The following CFAP47 variants were observed in gnomAD, a reference collection of about 807,000 sequenced individuals.
CFAP47 encodes the protein cilia- and flagella-associated protein 47.
In CFAP47, 29 loss-of-function variants were observed where a neutral mutation model predicts 148.1. That is an observed-to-expected ratio of 0.20 (90% confidence interval 0.15 to 0.27). CFAP47 has a LOEUF of 0.27. Among genes scored for constraint, CFAP47 ranks in the 10% least tolerant of loss-of-function variants. The pLI is 1.00. For missense variants in CFAP47, 1,872 were observed against 1,697.5 expected (o/e 1.10, Z -1.81); for synonymous variants, 664 against 577.3 (o/e 1.15, Z -2.15).
chrX:36,019,744 A>G (rs1166831079), intron 22 of CFAP47, among the ~76,000 whole-genome samples: 1 of 112,059 alleles, frequency 8.9e-6, no homozygotes, highest in Non-Finnish European at 1.9e-5. Flanking sequence ...GTAGCCACTA[A>G]TGACCCTTTG....
intron 46 of CFAP47, among the ~76,000 whole-genome samples, chrX:36,232,482 C>T (rs1267129117): frequency 2.1e-4 from 23 of 111,135 alleles, no homozygotes; most frequent in South Asian, 3.8e-4. Context: ...TTTTTTATTG[C>T]GTCTATTTGA....
chrX:36,101,841 G>A (rs1601978261), intron 32 of CFAP47, among the ~76,000 whole-genome samples: 1 of 111,711 alleles, frequency 9.0e-6, no homozygotes, highest in East Asian at 2.8e-4. Flanking sequence ...TGAACATTAT[G>A]TTTTCTAAGC....
chrX:36,244,463 TAAAC>T (rs1209198984), intron 48 of CFAP47, among the ~76,000 whole-genome samples: 4 of 110,149 alleles, frequency 3.6e-5, no homozygotes, highest in Non-Finnish European at 7.6e-5. Context: ...CTTAAAAAAA[TAAAC>T]AAGATAGAAA....
intron 29 of CFAP47, among the ~76,000 whole-genome samples, chrX:36,081,981 C>A (rs1487526339): frequency 1.8e-5 from 2 of 111,621 alleles, no homozygotes; most frequent in East Asian, 2.8e-4. Flanking sequence ...AAGTCCTTTT[C>A]AGAGCAAGCA....
intron 15 of CFAP47, among the ~76,000 whole-genome samples, chrX:35,979,892 T>C (rs1020557832): frequency 2.7e-5 from 3 of 112,310 alleles, no homozygotes; most frequent in Admixed American, 9.4e-5. Flanking sequence ...AGGAAAAGTA[T>C]AGGGTATTGA....
At chrX:36,275,608 G>A (rs1556002553) in intron 49 of CFAP47, among the ~76,000 whole-genome samples, 2 of 110,562 alleles carry the variant, frequency 1.8e-5, no homozygotes, top group Non-Finnish European at 3.8e-5. Context: ...GTTTTGTTGA[G>A]GATTTCTGCA....
At chrX:35,930,184 C>T (rs1935805811) in intron 2 of CFAP47, among the ~76,000 whole-genome samples, 1 of 111,103 alleles carries the variant, frequency 9.0e-6, no homozygotes, top group Middle Eastern at 4.6e-3. Context: ...TGTCAACTTA[C>T]ATGATCATAT....
intron 33 of CFAP47, among the ~76,000 whole-genome samples, chrX:36,111,733 G>A (rs1444433464): frequency 9.0e-6 from 1 of 111,176 alleles, no homozygotes; most frequent in Non-Finnish European, 1.9e-5. Flanking sequence ...GAATCCATTT[G>A]GTCCTGGGCT....
chrX:36,195,843 G>A (rs1244426802), intron 42 of CFAP47, among the ~76,000 whole-genome samples: 1 of 111,663 alleles, frequency 9.0e-6, no homozygotes, highest in Admixed American at 9.6e-5. Flanking sequence ...TCTGAAAAAT[G>A]TGGTGATAAA....
chrX:36,343,427 G>A (rs1314198462), intron 57 of CFAP47, among the ~76,000 whole-genome samples: 2 of 111,780 alleles, frequency 1.8e-5, no homozygotes, highest in African/African-American at 6.5e-5. Flanking sequence ...AAAAAGTCAG[G>A]AAACAACAGA....
At chrX:36,212,564 AT>A (rs1367671792) in intron 45 of CFAP47, among the ~76,000 whole-genome samples, 52 of 111,016 alleles carry the variant, frequency 4.7e-4, no homozygotes, top group African/African-American at 1.6e-3. Context: ...GAAATTCTTT[AT>A]TTTTTTAAAA....
chrX:36,155,077 T>C (rs1260513545), intron 37 of CFAP47, among the ~76,000 whole-genome samples: 1 of 111,241 alleles, frequency 9.0e-6, no homozygotes, highest in East Asian at 2.8e-4. Flanking sequence ...GTCTGAGTTC[T>C]GGTTCATATA....
chrX:36,382,220 G>A (rs1421176654), intron 63 of CFAP47, among the ~76,000 whole-genome samples: 3 of 111,608 alleles, frequency 2.7e-5, no homozygotes, highest in East Asian at 2.8e-4. Flanking sequence ...AAGGAATCCC[G>A]TGGAAGATCT....
intron 16 of CFAP47, among the ~76,000 whole-genome samples, chrX:35,990,680 T>G (rs948739807): frequency 9.0e-6 from 1 of 111,438 alleles, no homozygotes; most frequent in East Asian, 2.8e-4. Context: ...CATAGTTGTT[T>G]AGATACTGTC....
intron 2 of CFAP47, among the ~76,000 whole-genome samples, chrX:35,940,371 A>G (rs1480125292): frequency 1.8e-5 from 2 of 110,831 alleles, no homozygotes; most frequent in South Asian, 3.8e-4. Flanking sequence ...GTCCTTGCCC[A>G]TGCCTATGTC....
chrX:36,269,866 A>G (rs1259836676), intron 49 of CFAP47, among the ~76,000 whole-genome samples: 1 of 111,827 alleles, frequency 8.9e-6, no homozygotes, highest in African/African-American at 3.3e-5. Context: ...GTTTTCAATC[A>G]GTTTATATGC....
At chrX:35,941,683 CAGAATT>C (rs1262208691) in intron 3 of CFAP47, among the ~76,000 whole-genome samples, 1 of 111,250 alleles carries the variant, frequency 9.0e-6, no homozygotes, top group Non-Finnish European at 1.9e-5. Flanking sequence ...AGTTCAGAGA[CAGAATT>C]AGAGCACAGC....
At chrX:36,213,391 C>T (rs1225376929) in intron 45 of CFAP47, among the ~76,000 whole-genome samples, 1 of 111,312 alleles carries the variant, frequency 9.0e-6, no homozygotes, top group African/African-American at 3.3e-5. Flanking sequence ...ACCTGGGTAC[C>T]TGCAACAAAA....
At chrX:36,375,264 C>T (rs1369632419) in intron 62 of CFAP47, 7 of 179,103 alleles carry the variant, frequency 3.9e-5, no homozygotes, top group South Asian at 9.2e-5. Flanking sequence ...TTTTCTAATA[C>T]GCCTTTTGAT....
Sources: allele counts gnomAD v4.1 joint callset (sites outside exome capture counted in the v4.1 genomes callset), GRCh38; gene constraint gnomAD v4.1.1; transcripts MANE v1.5; gene names NCBI Gene and HGNC (gene_info 2026-07-23, HGNC 2026-07-21).